The following ATP8B1 variants were observed in gnomAD, a reference collection of about 807,000 sequenced individuals.
The protein encoded by ATP8B1 is phospholipid-transporting ATPase IC.
ATP8B1 carries 80 observed loss-of-function variants against 149.9 expected under a neutral mutation model. The ratio of observed to expected loss-of-function variants is 0.53; its 90% CI spans 0.45 to 0.64. The LOEUF is 0.64. Ranked by LOEUF, ATP8B1 falls within the 30% of genes least tolerant of loss-of-function variation. ATP8B1 has a pLI of 0.00. For missense variants in ATP8B1, 1,247 were observed against 1,552.6 expected (o/e 0.80, Z 3.31); for synonymous variants, 536 against 562.8 (o/e 0.95, Z 0.67).
intron 2 of ATP8B1, among the ~76,000 whole-genome samples, chr18:57,716,889 G>A (rs576716737): frequency 5.3e-5 from 8 of 152,272 alleles, no homozygotes; most frequent in Middle Eastern, 3.4e-3. Flanking sequence ...TCCTCAGCAC[G>A]TGGATCATTC....
In ATP8B1 at chr18:57,654,070, T is replaced by C. The variant is rs937364355; in HGVS notation, c.2937A>G (p.Ala979=). Residue 979 remains alanine, a synonymous_variant, in exon 24 of 28, where the codon GCA becomes GCG. Coordinates refer to ENST00000648908, the MANE Select transcript of ATP8B1 (RefSeq NM_001374385.1). ...SFFNGYSAQT[A]YEDWFITLYN... is the part of the protein sequence containing the mutation. ...AGAGGGTGATGAACCAATCCTCGTA[T>C]GCAGTCTGTGAGGGGATGACAGAGG... The C allele has an allele frequency of 6.2e-6, 10 of 1,613,564 alleles. No individual in the cohort carries two copies. Among genetic ancestry groups the C allele is most frequent in the African/African-American group, 2.7e-5 (2 of 74,888 alleles).
intron 1 of ATP8B1, among the ~76,000 whole-genome samples, chr18:57,797,272 G>A (rs1319491954): frequency 3.3e-5 from 5 of 152,182 alleles, no homozygotes; most frequent in Admixed American, 3.3e-4. Flanking sequence ...AACTCCAGTA[G>A]AACAAAAGCC....
chr18:57,680,208 C>A (rs1222708143), intron 15 of ATP8B1, among the ~76,000 whole-genome samples: 1 of 135,738 alleles, frequency 7.4e-6, no homozygotes, highest in Non-Finnish European at 1.5e-5. Flanking sequence ...ACCTGGGAGG[C>A]AGAGGTTGCA....
chr18:57,672,928 ATAT>A (rs1568189406), intron 16 of ATP8B1, among the ~76,000 whole-genome samples: 4,866 of 42,026 alleles, frequency 0.12, 646 homozygotes, highest in East Asian at 0.22. Context: ...ATATATATAT[ATAT>A]AACATGTATA....
intron 20 of ATP8B1, among the ~76,000 whole-genome samples, chr18:57,663,310 C>A (rs1446693769): frequency 1.3e-5 from 2 of 152,174 alleles, no homozygotes; most frequent in Admixed American, 1.3e-4. Flanking sequence ...GGAAGCACCA[C>A]ATTCTGTTTA....
intron 2 of ATP8B1, among the ~76,000 whole-genome samples, chr18:57,713,232 C>CTTTCTTTCT (rs1568207605): frequency 1.9e-5 from 2 of 105,888 alleles, no homozygotes; most frequent in Admixed American, 1.0e-4. Context: ...TCCTTCCTTC[C>CTTTCTTTCT]TTCCTTCCTT....
At chr18:57,668,107 C>T in intron 19 of ATP8B1, 1 of 1,332,568 alleles carries the variant, frequency 7.5e-7, no homozygotes, top group Non-Finnish European at 9.8e-7. Flanking sequence ...TGTCAAAGCA[C>T]TGGAAGGACA....
rs201230297 is a variant in ATP8B1, at chr18:57,791,336, TTTTTC to T, written c.-26+11657_-26+11661del. On this transcript the variant is annotated intron_variant, in intron 1 of 27. Coordinates refer to ENST00000648908, the MANE Select transcript of ATP8B1 (RefSeq NM_001374385.1). The stretch of plus-strand genomic sequence containing the variant: ...GTATTAAAATTTCCTTCCTTTTTTC[TTTTTC>T]TTTTCTTTTCTTTTTTTTTTTTTTT... 8.1e-3 allele frequency among the ~76,000 whole-genome samples: 1,175 copies of T among 145,438 alleles called. 44 individuals are homozygous for T. Among genetic ancestry groups the T allele is most frequent in the Non-Finnish European group, 9.1e-3 (616 of 67,366 alleles).
chr18:57,668,126 AG>A, intron 19 of ATP8B1: 1 of 1,351,248 alleles, frequency 7.4e-7, no homozygotes, highest in Non-Finnish European at 9.7e-7. Flanking sequence ...CAGAGGGACA[AG>A]AGGGATGGCC....
chr18:57,711,665 T>A lies in ATP8B1; in HGVS notation c.182-5078A>T, dbSNP rs115520165. ...TGGAGTGCAGTGGCATGCTCATAGC[T>A]CACTGCAGCCTCTGAACTCCTGGGC... On this transcript the variant is annotated intron_variant, in intron 2 of 27. Transcript: ENST00000648908. Among the ~76,000 whole-genome samples the A allele has an allele frequency of 5.1e-3, 782 of 152,298 alleles. 8 individuals are homozygous for A. Among genetic ancestry groups the A allele is most frequent in the African/African-American group, 0.018 (738 of 41,566 alleles).
intron 1 of ATP8B1, among the ~76,000 whole-genome samples, chr18:57,756,226 C>CACACATATATAT (rs2080078633): frequency 8.9e-6 from 1 of 112,676 alleles, no homozygotes; most frequent in Non-Finnish European, 1.9e-5. Context: ...CACACACACA[C>CACACATATATAT]ACACACACAC....
rs1033023056 is a variant in ATP8B1 at position 57,803,044 on chromosome 18, G to T, written c.-72C>A. The T allele has an allele frequency of 6.6e-6, 1 of 151,724 alleles. No homozygotes were observed. The highest frequency in any genetic ancestry group is 1.5e-5 in the Non-Finnish European group (1 of 67,956). The allele number at this position is 151,724 out of a possible 1,614,324, so 9.4% of individuals were successfully genotyped here. ...CTGGGGCATCCGCCTGGTGCGCGCCGCTCGGAGCGCTCGCTGCGCACCTGG... is the reference window on the plus strand; with the variant it reads ...CTGGGGCATCCGCCTGGTGCGCGCCTCTCGGAGCGCTCGCTGCGCACCTGG... On this transcript the variant is annotated 5_prime_UTR_variant, in exon 1 of 28. Coordinates refer to ENST00000648908, the MANE Select transcript of ATP8B1 (RefSeq NM_001374385.1).
chr18:57,778,222 CTTTT>C (rs200469930), intron 1 of ATP8B1, among the ~76,000 whole-genome samples: 1 of 94,986 alleles, frequency 1.1e-5, no homozygotes, highest in Non-Finnish European at 2.0e-5. Context: ...GTTTCTTTTT[CTTTT>C]TCTTTTTTTT....
intron 22 of ATP8B1, among the ~76,000 whole-genome samples, chr18:57,656,469 T>A (rs1910004360): frequency 6.7e-6 from 1 of 149,870 alleles, no homozygotes; most frequent in Non-Finnish European, 1.5e-5. Context: ...CACTGCAACC[T>A]CTGCCTCCTG....
intron 2 of ATP8B1, among the ~76,000 whole-genome samples, chr18:57,707,791 G>A (rs1913482487): frequency 6.6e-6 from 1 of 151,720 alleles, no homozygotes; most frequent in African/African-American, 2.4e-5. Context: ...ACAGGCGTGA[G>A]CCACTGTGCC....
At chr18:57,760,290 A>G (rs2080136138) in intron 1 of ATP8B1, among the ~76,000 whole-genome samples, 1 of 152,232 alleles carries the variant, frequency 6.6e-6, no homozygotes, top group African/African-American at 2.4e-5. Context: ...CATCAACACA[A>G]TCACTCTGGG....
In ATP8B1 at chr18:57,704,022, A is replaced by G. The variant is rs185265025; in HGVS notation, c.393+533T>C. 3.3e-5 allele frequency among the ~76,000 whole-genome samples: 5 copies of G among 152,196 alleles called. No homozygotes were observed. In the East Asian group the frequency reaches 9.7e-4, roughly 29 times the overall value. On this transcript the variant is annotated intron_variant, in intron 4 of 27. Coordinates refer to ENST00000648908, the MANE Select transcript of ATP8B1 (RefSeq NM_001374385.1). Reference sequence around the variant, plus strand: ...GCTCTTGTTGTCCAAGCTGGAGTGCAATGGTGTGATCTCGGCTCACTGCAA... The same window carrying G: ...GCTCTTGTTGTCCAAGCTGGAGTGCGATGGTGTGATCTCGGCTCACTGCAA...
rs1234933267 is a variant in ATP8B1 at position 57,652,820 on chromosome 18, C to G, written c.3016-91G>C. The G allele has an allele frequency of 3.8e-6, 6 of 1,564,266 alleles. No homozygotes were observed. The African/African-American group carries it at 6.8e-5, about 18-fold the overall frequency. Reference sequence around the variant, plus strand: ...ATTAATATCTCACAAAAAGTTGCAGCCTGCTGTTAAATTTTAGGAAGGCAA... The same window carrying G: ...ATTAATATCTCACAAAAAGTTGCAGGCTGCTGTTAAATTTTAGGAAGGCAA... On this transcript the variant is annotated intron_variant, in intron 24 of 27. Transcript: ENST00000648908.
chr18:57,679,733 C>A lies in ATP8B1; in HGVS notation c.1630+4303G>T, dbSNP rs548955519. Among the ~76,000 whole-genome samples, 4 of 152,112 alleles carry A rather than the reference C, an allele frequency of 2.6e-5. No individual in the cohort carries two copies. In the East Asian group the frequency reaches 7.7e-4, roughly 29 times the overall value. ...AGGCTGGAGCGCAGTGGCAAAATCT[C>A]GGCTCACAGCAACCTCCGCCTCGCG... is the stretch of plus-strand genomic sequence containing the variant. On this transcript the variant is annotated intron_variant, in intron 15 of 27. Transcript: ENST00000648908.
Sources: allele counts gnomAD v4.1 joint callset (sites outside exome capture counted in the v4.1 genomes callset), GRCh38; gene constraint gnomAD v4.1.1; transcripts MANE v1.5; gene names NCBI Gene and HGNC (gene_info 2026-07-23, HGNC 2026-07-21).